The following ZNRF3 variants were observed in gnomAD, a reference collection of about 807,000 sequenced individuals.
ZNRF3 encodes zinc and ring finger 3.
A neutral mutation model predicts 72.5 loss-of-function variants in ZNRF3; 23 were observed. The ratio of observed to expected loss-of-function variants is 0.32; its 90% CI spans 0.23 to 0.45. The LOEUF (loss-of-function observed/expected upper bound fraction) is 0.45, where lower values mean the gene tolerates loss of function less well. Ranked by LOEUF, ZNRF3 falls within the 20% of genes least tolerant of loss-of-function variation. ZNRF3 has a pLI of 1.00. For synonymous variants in ZNRF3, 610 were observed against 545.3 expected (o/e 1.12, Z -1.65); for missense variants, 1,169 against 1,272.1 (o/e 0.92, Z 1.23).
In ZNRF3 at chr22:28,971,811, A is replaced by G. The variant is rs5997424; in HGVS notation, c.301-15265A>G. On this transcript the variant is annotated intron_variant, in intron 1 of 8. Transcript: ENST00000544604. Reference sequence around the variant, plus strand: ...CACCTTGAACTCCTGGGCATAAGCAATCCTCCCACCTCAGCCTCCCAAGCA... The same window carrying G: ...CACCTTGAACTCCTGGGCATAAGCAGTCCTCCCACCTCAGCCTCCCAAGCA... Among the ~76,000 whole-genome samples, 128 of 152,186 alleles carry G rather than the reference A, an allele frequency of 8.4e-4. 1 individual carries two copies. The highest frequency in any genetic ancestry group is 2.8e-3 in the African/African-American group (117 of 41,520).
intron 1 of ZNRF3, among the ~76,000 whole-genome samples, chr22:28,918,526 C>CACACGTGTG: frequency 8.0e-6 from 1 of 124,672 alleles, no homozygotes; most frequent in Non-Finnish European, 1.7e-5. Flanking sequence ...GTATGTGTAT[C>CACACGTGTG]TGCATGTGTG....
rs80210062 is a variant in ZNRF3, at chr22:29,048,625, T to A, written c.1015+134T>A. 36 of 822,334 alleles carry A rather than the reference T, an allele frequency of 4.4e-5. No homozygotes were observed. In the East Asian group the frequency reaches 9.5e-4, roughly 22 times the overall value. The allele number at this position is 822,334 out of a possible 1,614,324, so 50.9% of individuals were successfully genotyped here. A position where few individuals can be genotyped will look rare whatever the true frequency, so the allele number is the denominator to read the frequency against. ...GACTTGGAGGCCTGGCAGCCCTGGG[T>A]TTTGGAGGTTGTCTGCACGACCCTT... is the stretch of plus-strand genomic sequence containing the variant. On this transcript the variant is annotated intron_variant, in intron 7 of 8. Transcript: ENST00000544604. The surrounding 1 kb of genome is among the most constrained non-coding windows in gnomAD (Gnocchi z 4.9).
Position 29,000,439 on chromosome 22 carries a change from C to G in ZNRF3, c.426+13238C>G, listed in dbSNP as rs2036122460. ...GAAGTTAAATTTTAAAATGTTTTAG[C>G]TTTAGAAGGTTCTTTTTTCATTTCT... On this transcript the variant is annotated intron_variant, in intron 2 of 8. Transcript: ENST00000544604. Among the ~76,000 whole-genome samples the G allele has an allele frequency of 2.0e-5, 3 of 152,044 alleles. No individual in the cohort carries two copies. In the South Asian group the frequency reaches 6.2e-4, roughly 32 times the overall value.
At chr22:28,967,046 A>AT (rs1350179225) in intron 1 of ZNRF3, among the ~76,000 whole-genome samples, 1 of 151,440 alleles carries the variant, frequency 6.6e-6, no homozygotes, top group East Asian at 1.9e-4. Flanking sequence ...CGCCCATCTA[A>AT]TTTTTTCGTA....
intron 5 of ZNRF3, among the ~76,000 whole-genome samples, chr22:29,045,710 CAT>C (rs1289913045): frequency 6.6e-6 from 1 of 152,200 alleles, no homozygotes; most frequent in Non-Finnish European, 1.5e-5. Flanking sequence ...CTCCTAACCT[CAT>C]GTGATCCGCC....
chr22:28,939,674 G>C (rs1205053339), intron 1 of ZNRF3, among the ~76,000 whole-genome samples: 4 of 151,994 alleles, frequency 2.6e-5, no homozygotes, highest in Non-Finnish European at 5.9e-5. Context: ...CTGTTTCTCG[G>C]AGGGCAGAAT....
chr22:29,046,704 T>A lies in ZNRF3; in HGVS notation c.745-12T>A. ...TACTGGACCCTCACACAGACTACAT[T>A]CTGCCCTGCAGAATTCCATGAACAG... On this transcript the variant is annotated splice_polypyrimidine_tract_variant and intron_variant, in intron 5 of 8. Transcript: ENST00000544604. 6.3e-7 allele frequency: 1 copy of A among 1,590,142 alleles called. No homozygotes were observed. The highest frequency in any genetic ancestry group is 8.6e-7 in the Non-Finnish European group (1 of 1,167,554).
intron 2 of ZNRF3, among the ~76,000 whole-genome samples, chr22:29,009,758 T>G (rs879583955): frequency 2.0e-5 from 3 of 152,170 alleles, no homozygotes; most frequent in Non-Finnish European, 4.4e-5. Context: ...TTCTTTGACC[T>G]TGAATCTTCT....
chr22:28,885,552 G>T (rs1361884699), intron 1 of ZNRF3, among the ~76,000 whole-genome samples: 2 of 137,518 alleles, frequency 1.5e-5, no homozygotes, highest in Non-Finnish European at 3.0e-5. Flanking sequence ...CTTTCATTGT[G>T]TCCTGATGGT....
chr22:28,918,556 G>A (rs868734228), intron 1 of ZNRF3, among the ~76,000 whole-genome samples: 4,029 of 151,502 alleles, frequency 0.027, 211 homozygotes, highest in African/African-American at 0.093. Flanking sequence ...GTGTGTGTGT[G>A]TGTGTGTGTG....
Position 29,053,603 on chromosome 22 carries a change from G to C in ZNRF3, c.2792G>C (p.Ser931Thr). Residue 931 changes from serine to threonine, a missense_variant, in exon 9 of 9, where the codon AGC becomes ACC. Ser to Thr is a moderately conservative substitution (Grantham distance 58, BLOSUM62 1). Coordinates refer to ENST00000544604, the MANE Select transcript of ZNRF3 (RefSeq NM_001206998.2). ...AAGPRSHSAD[S>T]SSPGA ...GGACCGAGATCTCACTCAGCAGACAGCAGCAGCCCGGGAGCCTGAGCTCAG... is the reference window on the plus strand; with the variant it reads ...GGACCGAGATCTCACTCAGCAGACACCAGCAGCCCGGGAGCCTGAGCTCAG... 6.2e-7 allele frequency: 1 copy of C among 1,613,746 alleles called. No homozygotes were observed. Among genetic ancestry groups the C allele is most frequent in the Non-Finnish European group, 8.5e-7 (1 of 1,179,774 alleles).
At chr22:28,896,396 G>C (rs2123748460) in intron 1 of ZNRF3, among the ~76,000 whole-genome samples, 1 of 152,188 alleles carries the variant, frequency 6.6e-6, no homozygotes, top group South Asian at 2.1e-4. Context: ...GCCTCCCAAA[G>C]TGCTGGGCTT....
intron 6 of ZNRF3, 25 bp downstream of exon 6, chr22:29,046,908 T>C: frequency 6.7e-7 from 1 of 1,496,528 alleles, no homozygotes; most frequent in Non-Finnish European, 9.0e-7. Flanking sequence ...AGGCCCGTCC[T>C]GGGTGGGGAA....
chr22:28,994,750 C>T (rs149025121), intron 2 of ZNRF3, among the ~76,000 whole-genome samples: 2,645 of 151,972 alleles, frequency 0.017, 41 homozygotes, highest in Non-Finnish European at 0.027. Context: ...GTATATTTTA[C>T]CACAGTTAAA....
intron 2 of ZNRF3, among the ~76,000 whole-genome samples, chr22:29,040,956 G>T (rs2036952107): frequency 6.6e-6 from 1 of 152,122 alleles, no homozygotes; most frequent in African/African-American, 2.4e-5. Context: ...TTATTCCTAC[G>T]GAAAGGAATT....
chr22:29,052,183 T>A (rs2037218896), intron 8 of ZNRF3, among the ~76,000 whole-genome samples: 1 of 152,202 alleles, frequency 6.6e-6, no homozygotes, highest in Admixed American at 6.5e-5. Flanking sequence ...ACCTGCAAAG[T>A]ACATCCCAAA....
intron 1 of ZNRF3, among the ~76,000 whole-genome samples, chr22:28,943,062 C>T (rs2034976471): frequency 6.6e-6 from 1 of 152,186 alleles, no homozygotes; most frequent in South Asian, 2.1e-4. Context: ...TCAGAAAATG[C>T]TATTTTAAGT....
At chr22:28,986,185 AGATATCT>A (rs1251600219) in intron 1 of ZNRF3, among the ~76,000 whole-genome samples, 3 of 152,198 alleles carry the variant, frequency 2.0e-5, no homozygotes, top group Non-Finnish European at 4.4e-5. Flanking sequence ...ATTAGGACAT[AGATATCT>A]TGGGGGCCAT....
At chr22:28,975,300 G>A (rs564291288) in intron 1 of ZNRF3, among the ~76,000 whole-genome samples, 3 of 151,972 alleles carry the variant, frequency 2.0e-5, no homozygotes, top group East Asian at 1.9e-4. Flanking sequence ...TCAGGAGTTC[G>A]AGACCAGCCT....
Sources: gnomAD v4.1 joint callset for allele counts (sites outside exome capture counted in the v4.1 genomes callset) on GRCh38, gnomAD v4.1.1 for gene constraint, Gnocchi (gnomAD v3.1) non-coding constraint, MANE v1.5 for transcripts, NCBI Gene and HGNC (gene_info 2026-07-23, HGNC 2026-07-21) for gene names.